The following CDH26 variants were observed in gnomAD, a reference collection of about 807,000 sequenced individuals.
The protein encoded by CDH26 is cadherin 26, also known as cadherin-like protein 26.
Under a neutral mutation model 90.3 loss-of-function variants are expected in CDH26, and 83 were observed. The observed-to-expected ratio is 0.92, with a 90% CI of 0.77 to 1.10. The LOEUF is 1.10. Ranked by LOEUF, CDH26 falls within the 50% of genes least tolerant of loss-of-function variation. The pLI, the probability that CDH26 is intolerant of heterozygous loss-of-function variation, is 0.00. For synonymous variants in CDH26, 397 were observed against 396.3 expected, an observed-to-expected ratio of 1.00 and a Z score of -0.02; for missense variants, 1,013 against 1,037.6, an observed-to-expected ratio of 0.98 and a Z score of 0.33.
chr20:60,020,098 T>G (rs1051941456), intron 7 of CDH26, among the ~76,000 whole-genome samples: 65 of 152,324 alleles, frequency 4.3e-4, no homozygotes, highest in African/African-American at 1.4e-3. Context: ...ACACAGTGGG[T>G]GAGCCAACTT....
At chr20:60,006,447 G>A (rs564355963) in intron 16 of CDH26, among the ~76,000 whole-genome samples, 2 of 152,194 alleles carry the variant, frequency 1.3e-5, no homozygotes, top group Non-Finnish European at 2.9e-5. Context: ...CAACCCTCCT[G>A]GCCGGGCTCA....
At chr20:59,997,950 G>A (rs781080379) in intron 13 of CDH26, among the ~76,000 whole-genome samples, 9 of 152,240 alleles carry the variant, frequency 5.9e-5, no homozygotes, top group Non-Finnish European at 1.3e-4. Flanking sequence ...AGCCACTTAG[G>A]CTCCTCTGGC....
At chr20:59,994,773 A>G (rs1326705695) in intron 11 of CDH26, among the ~76,000 whole-genome samples, 1 of 152,154 alleles carries the variant, frequency 6.6e-6, no homozygotes, top group Non-Finnish European at 1.5e-5. Flanking sequence ...GGGTGTTTCC[A>G]GGGAAGCTCC....
intron 16 of CDH26, among the ~76,000 whole-genome samples, chr20:60,003,311 T>A (rs2061699952): frequency 6.6e-6 from 1 of 152,222 alleles, no homozygotes; most frequent in African/African-American, 2.4e-5. Context: ...TAATTTTGTA[T>A]GCATTGACAT....
intron 7 of CDH26, among the ~76,000 whole-genome samples, chr20:60,025,990 T>C (rs2061993732): frequency 6.6e-6 from 1 of 152,216 alleles, no homozygotes; most frequent in Non-Finnish European, 1.5e-5. Flanking sequence ...ATTTCATTTA[T>C]GTGGAATCTG....
intron 1 of CDH26, among the ~76,000 whole-genome samples, chr20:59,968,025 G>GTCTCTCTCTCTCTC (rs777837348): frequency 1.7e-5 from 1 of 57,226 alleles, no homozygotes; most frequent in African/African-American, 8.6e-5. Context: ...CTTTCTCTCT[G>GTCTCTCTCTCTCTC]TCTCTCTCTC....
intron 4 of CDH26, among the ~76,000 whole-genome samples, chr20:59,976,744 C>T (rs527260579): frequency 1.8e-4 from 27 of 152,190 alleles, no homozygotes; most frequent in Admixed American, 3.3e-4. Context: ...CACTGACCTG[C>T]GCTAGACGTA....
At chr20:59,977,644 G>A (rs968288609) in intron 4 of CDH26, among the ~76,000 whole-genome samples, 37 of 151,662 alleles carry the variant, frequency 2.4e-4, no homozygotes, top group Middle Eastern at 3.4e-3. Context: ...AGAACAGAAA[G>A]CACAGTTCCC....
intron 5 of CDH26, 143 bp downstream of exon 5, chr20:59,983,213 G>A: frequency 1.0e-6 from 1 of 961,786 alleles, no homozygotes; most frequent in African/African-American, 1.7e-5. Context: ...CCTTGGATCT[G>A]AGCGAAATGC....
intron 4 of CDH26, among the ~76,000 whole-genome samples, chr20:59,980,757 T>C (rs1157683046): frequency 6.6e-6 from 1 of 152,248 alleles, no homozygotes; most frequent in Non-Finnish European, 1.5e-5. Context: ...GAGCAAAAGT[T>C]ATTACATTTT....
intron 1 of CDH26, among the ~76,000 whole-genome samples, chr20:59,963,220 G>A (rs548447917): frequency 4.4e-4 from 66 of 151,346 alleles, no homozygotes; most frequent in African/African-American, 1.5e-3. Flanking sequence ...TTACCTGCCC[G>A]ACATCACATA....
intron 7 of CDH26, among the ~76,000 whole-genome samples, chr20:60,027,845 T>A (rs1569071563): frequency 6.6e-6 from 1 of 152,364 alleles, no homozygotes; most frequent in East Asian, 1.9e-4. Context: ...ATATTCTATG[T>A]GGGTGACCTG....
chr20:59,988,947 T>G lies in CDH26; in HGVS notation c.1067T>G (p.Val356Gly). Reference sequence around the variant, plus strand: ...CGCCCAGCGCAAAGCCTCATCATTGTCGTGGAGAATGAGGAGAGGCTCGTC... The same window carrying G: ...CGCCCAGCGCAAAGCCTCATCATTGGCGTGGAGAATGAGGAGAGGCTCGTC... Reference protein sequence around the residue: ...ETRPAQSLIIVVENEERLVFC... With the variant: ...ETRPAQSLIIGVENEERLVFC... The change falls in exon 9 of 18, where the codon GTC becomes GGC. Residue 356 changes from valine to glycine, a missense_variant. Physicochemically the swap from Val to Gly is moderately radical, Grantham distance 109 (BLOSUM62 -3). Coordinates refer to ENST00000348616, the MANE Select transcript of CDH26 (RefSeq NM_177980.4). 1 of 1,614,124 alleles carries G rather than the reference T, an allele frequency of 6.2e-7. No individual in the cohort carries two copies. The highest frequency in any genetic ancestry group is 8.5e-7 in the Non-Finnish European group (1 of 1,180,034).
At chr20:59,963,804 G>T (rs2061109686) in intron 1 of CDH26, among the ~76,000 whole-genome samples, 1 of 151,780 alleles carries the variant, frequency 6.6e-6, no homozygotes, top group Non-Finnish European at 1.5e-5. Flanking sequence ...TGATTTCTAG[G>T]GTCCAAATTC....
intron 1 of CDH26, among the ~76,000 whole-genome samples, chr20:59,962,239 T>C (rs527489975): frequency 6.6e-6 from 1 of 152,316 alleles, no homozygotes; most frequent in South Asian, 2.1e-4. Flanking sequence ...TAGGAACATA[T>C]ATTAGTGTCC....
At chr20:59,961,645 G>C (rs1355799081) in intron 1 of CDH26, among the ~76,000 whole-genome samples, 1 of 152,062 alleles carries the variant, frequency 6.6e-6, no homozygotes, top group East Asian at 1.9e-4. Flanking sequence ...GAGAGCTATT[G>C]TGTCCACAAT....
At chr20:59,981,684 T>C (rs1384273882) in intron 4 of CDH26, among the ~76,000 whole-genome samples, 2 of 152,126 alleles carry the variant, frequency 1.3e-5, no homozygotes, top group African/African-American at 4.8e-5. Flanking sequence ...GTTGAGAACT[T>C]TTAACTCTAG....
chr20:59,998,677 T>C (rs2146001605), intron 13 of CDH26, among the ~76,000 whole-genome samples: 1 of 152,332 alleles, frequency 6.6e-6, no homozygotes, highest in East Asian at 1.9e-4. Context: ...TCAACAGACC[T>C]GGGTGTAGAT....
intron 13 of CDH26, among the ~76,000 whole-genome samples, chr20:59,997,686 T>G (rs1422510721): frequency 6.6e-6 from 1 of 152,188 alleles, no homozygotes; most frequent in Non-Finnish European, 1.5e-5. Context: ...ACAAAAGAAA[T>G]GTCAAAAGGA....
Sources: gnomAD v4.1 joint callset for allele counts (sites outside exome capture counted in the v4.1 genomes callset) on GRCh38, gnomAD v4.1.1 for gene constraint, MANE v1.5 for transcripts, NCBI Gene and HGNC (gene_info 2026-07-23, HGNC 2026-07-21) for gene names.